CACNG4: variants seen among roughly 807,000 people sequenced by gnomAD.
CACNG4 encodes the protein calcium voltage-gated channel auxiliary subunit gamma 4, also known as voltage-dependent calcium channel gamma-4 subunit.
CACNG4 carries 8 observed loss-of-function variants against 22.9 expected under a neutral mutation model. The ratio of observed to expected loss-of-function variants is 0.35; its 90% confidence interval spans 0.21 to 0.63. CACNG4 has a LOEUF of 0.63. CACNG4 is among the 30% of genes least tolerant of loss of function. CACNG4 has a pLI of 0.72. For synonymous variants in CACNG4, 188 were observed against 191.9 expected (o/e 0.98, Z 0.17); for missense variants, 357 against 455.4 (o/e 0.78, Z 1.97).
chr17:66,992,169 G>C (rs71293578), intron 1 of CACNG4, among the ~76,000 whole-genome samples: 3 of 151,996 alleles, frequency 2.0e-5, no homozygotes, highest in East Asian at 1.9e-4. Flanking sequence ...CTGGGGGGGG[G>C]GGGCTGTGAT....
intron 2 of CACNG4, among the ~76,000 whole-genome samples, chr17:67,022,289 G>A (rs1056288561): frequency 6.6e-6 from 1 of 152,098 alleles, no homozygotes; most frequent in Non-Finnish European, 1.5e-5. Flanking sequence ...TGGCCAGGCT[G>A]GTCTCAAACT....
intron 1 of CACNG4, among the ~76,000 whole-genome samples, chr17:67,003,898 A>G (rs1447922579): frequency 6.6e-6 from 1 of 152,170 alleles, no homozygotes; most frequent in Non-Finnish European, 1.5e-5. Flanking sequence ...CAAATTCTTA[A>G]TATGTGAAGT....
At position 67,026,539 on chromosome 17, in the gene CACNG4, A is replaced by C. The variant is rs111164186; in HGVS notation, c.445+1539A>C. Reference sequence around the variant, plus strand: ...TGTATTTGAGGACTGTGGGGTGTGTATGTATTTGAGGACTGTGGTGTGTGT... The same window carrying C: ...TGTATTTGAGGACTGTGGGGTGTGTCTGTATTTGAGGACTGTGGTGTGTGT... On this transcript the variant is annotated intron_variant, in intron 3 of 3. Transcript: ENST00000262138. Among the ~76,000 whole-genome samples, 657 of 83,586 alleles carry C rather than the reference A, an allele frequency of 7.9e-3. 20 individuals are homozygous for C. The highest frequency in any genetic ancestry group is 0.038 in the Middle Eastern group (3 of 78). 54.8% of individuals were successfully genotyped at this position (83,586 alleles called of 152,430 possible).
chr17:67,010,692 G>T (rs2035463233), intron 1 of CACNG4, among the ~76,000 whole-genome samples: 1 of 152,218 alleles, frequency 6.6e-6, no homozygotes, highest in Middle Eastern at 3.4e-3. Flanking sequence ...CCTCCTCCAT[G>T]AAGTCCCAGG....
intron 1 of CACNG4, among the ~76,000 whole-genome samples, chr17:67,017,632 C>G (rs1598121700): frequency 6.6e-6 from 1 of 152,136 alleles, no homozygotes; most frequent in Admixed American, 6.5e-5. Context: ...ATTCTTGTGC[C>G]TCAGCCTCCC....
At chr17:66,989,180 C>G (rs897467572) in intron 1 of CACNG4, among the ~76,000 whole-genome samples, 2 of 151,072 alleles carry the variant, frequency 1.3e-5, no homozygotes, top group Non-Finnish European at 2.9e-5. Flanking sequence ...AACTGTGTCC[C>G]CTAAAAAGAT....
intron 1 of CACNG4, among the ~76,000 whole-genome samples, chr17:67,005,022 T>G (rs1345162731): frequency 2.0e-5 from 3 of 151,948 alleles, no homozygotes; most frequent in Non-Finnish European, 4.4e-5. Context: ...CCCTGCCCCG[T>G]CCCAAAGAGG....
In CACNG4 at chr17:66,984,321, C is replaced by T. The variant is rs1391239938; in HGVS notation, c.220+19190C>T. Among the ~76,000 whole-genome samples, 1 of 152,178 alleles carries T rather than the reference C, an allele frequency of 6.6e-6. No individual in the cohort carries two copies. Among genetic ancestry groups the T allele is most frequent in the Non-Finnish European group, 1.5e-5 (1 of 68,040 alleles). On this transcript the variant is annotated intron_variant, in intron 1 of 3. Transcript: ENST00000262138. This position sits in a 1 kb window ranked among gnomAD's most constrained non-coding sequence, Gnocchi z 4.0. ...GCCTGAGCCCTGGAGTTTGAGGCTG[C>T]AGTGAGCCACCACTGCACTCCAGCT... is the stretch of plus-strand genomic sequence containing the variant.
chr17:66,970,917 T>G (rs1367747859), intron 1 of CACNG4, among the ~76,000 whole-genome samples: 1 of 152,138 alleles, frequency 6.6e-6, no homozygotes, highest in Non-Finnish European at 1.5e-5. Context: ...ATAAATCCCC[T>G]GTGTCAGTCT....
intron 1 of CACNG4, among the ~76,000 whole-genome samples, chr17:66,994,863 G>C (rs562802917): frequency 6.6e-6 from 1 of 152,286 alleles, no homozygotes; most frequent in African/African-American, 2.4e-5. Context: ...TTCCCAGGCA[G>C]GGTGGTGAAG....
intron 1 of CACNG4, among the ~76,000 whole-genome samples, chr17:66,977,365 T>G (rs1271860268): frequency 6.6e-6 from 1 of 151,912 alleles, no homozygotes; most frequent in East Asian, 1.9e-4. Context: ...AGGAGCTTCG[T>G]GCGCAGAAGG....
In CACNG4 at chr17:67,031,192, G is replaced by A; in HGVS notation, c.*188G>A. The A allele has an allele frequency of 1.5e-6, 1 of 652,612 alleles. No homozygotes were observed. The highest frequency in any genetic ancestry group is 2.5e-5 in the Admixed American group (1 of 39,772). 40.4% of individuals were successfully genotyped at this position (652,612 alleles called of 1,614,324 possible). On this transcript the variant is annotated 3_prime_UTR_variant, in exon 4 of 4. Coordinates refer to ENST00000262138, the MANE Select transcript of CACNG4 (RefSeq NM_014405.4). The surrounding 1 kb of genome is among the most constrained non-coding windows in gnomAD (Gnocchi z 4.0). ...CTGGGAGACCGGACCCGGGGCTGCA[G>A]AAGAAGCTGAAGGCTGACTTTGTCC... is the stretch of plus-strand genomic sequence containing the variant.
intron 1 of CACNG4, among the ~76,000 whole-genome samples, chr17:67,017,061 G>C (rs938931408): frequency 6.6e-6 from 1 of 152,114 alleles, no homozygotes. Context: ...CCTGAGGAAG[G>C]AGTCACCATA....
intron 1 of CACNG4, among the ~76,000 whole-genome samples, chr17:66,981,027 G>A (rs1012629570): frequency 2.0e-5 from 3 of 152,206 alleles, no homozygotes; most frequent in Non-Finnish European, 4.4e-5. Context: ...CTGGAGGAAA[G>A]GCAGTTTCCA....
rs116937224 is a variant in CACNG4, at chr17:66,969,299, A to G, written c.220+4168A>G. 3.6e-3 allele frequency among the ~76,000 whole-genome samples: 554 copies of G among 152,286 alleles called. 2 individuals are homozygous for G. Among genetic ancestry groups the G allele is most frequent in the Non-Finnish European group, 6.0e-3 (405 of 68,024 alleles). ...CCCAGTCCCCGTGCTGCCATCAGGAAAGCTCTCCACCCAAAGAGAAGGGTC... is the reference window on the plus strand; with the variant it reads ...CCCAGTCCCCGTGCTGCCATCAGGAGAGCTCTCCACCCAAAGAGAAGGGTC... On this transcript the variant is annotated intron_variant, in intron 1 of 3. Transcript: ENST00000262138.
intron 1 of CACNG4, among the ~76,000 whole-genome samples, chr17:67,007,038 G>A (rs1400390522): frequency 1.3e-5 from 2 of 152,176 alleles, no homozygotes; most frequent in East Asian, 3.8e-4. Context: ...AGCCAGGCAT[G>A]GTGGCCGGTG....
At position 67,030,900 on chromosome 17, in the gene CACNG4, C is replaced by G; in HGVS notation, c.880C>G (p.Pro294Ala). ...LKVTTAASYS[P>A]DQEASFLQVH... is the part of the protein sequence containing the mutation. ...GGTGACCACCGCAGCCAGCTACAGC[C>G]CCGACCAGGAGGCCAGCTTCCTGCA... Residue 294 changes from proline (P) to alanine (A), a missense_variant, in exon 4 of 4, where the codon CCC (proline) becomes GCC (alanine). Around this residue, in one of 3 missense-constraint regions of CACNG4, gnomAD observed 240 missense variants for 277.6 expected, o/e 0.86. Coordinates refer to ENST00000262138, the MANE Select transcript of CACNG4 (RefSeq NM_014405.4). The surrounding 1 kb of genome is among the most constrained non-coding windows in gnomAD (Gnocchi z 6.4). 3.7e-6 allele frequency: 6 copies of G among 1,612,878 alleles called. No homozygotes were observed. In the South Asian group the frequency reaches 5.5e-5, roughly 15 times the overall value.
intron 2 of CACNG4, among the ~76,000 whole-genome samples, chr17:67,023,433 G>A (rs117999068): frequency 0.041 from 6,147 of 151,550 alleles, 276 homozygotes; most frequent in Admixed American, 0.13. Context: ...TGGCTACAAC[G>A]CCCGGCTAAT....
chr17:67,017,035 C>T (rs2035502639), intron 1 of CACNG4, among the ~76,000 whole-genome samples: 1 of 152,130 alleles, frequency 6.6e-6, no homozygotes, highest in African/African-American at 2.4e-5. Flanking sequence ...GGATTGGAAT[C>T]TGCACCAGCT....
Sources: gnomAD v4.1 joint callset for allele counts (sites outside exome capture counted in the v4.1 genomes callset) on GRCh38, gnomAD v4.1.1 for gene constraint, gnomAD v4.1.1 regional missense constraint, Gnocchi (gnomAD v3.1) non-coding constraint, MANE v1.5 for transcripts, NCBI Gene and HGNC (gene_info 2026-07-23, HGNC 2026-07-21) for gene names.